CLIP4: variants seen among roughly 807,000 people sequenced by gnomAD.
The protein encoded by CLIP4 is CAP-Gly domain containing linker protein family member 4, also known as CAP-Gly domain-containing linker protein 4.
A neutral mutation model predicts 73.1 loss-of-function variants in CLIP4; 47 were observed. The ratio of observed to expected loss-of-function variants is 0.64; its 90% confidence interval spans 0.51 to 0.82. CLIP4 has a LOEUF of 0.82. CLIP4 is among the 40% of genes least tolerant of loss of function. The pLI is 0.00. For synonymous variants in CLIP4, 306 were observed against 295.4 expected, an observed-to-expected ratio of 1.04 and a Z score of -0.37; for missense variants, 874 against 852.9, an observed-to-expected ratio of 1.02 and a Z score of -0.31.
chr2:29,119,320 C>T (rs376567254), intron 1 of CLIP4, among the ~76,000 whole-genome samples: 40 of 152,008 alleles, frequency 2.6e-4, no homozygotes, highest in African/African-American at 8.7e-4. Flanking sequence ...TAGTTGTGTA[C>T]GATAGAGTTC....
rs1298880509 is a variant in CLIP4, at chr2:29,181,880, A to G, written c.2105A>G (p.Asp702Gly). ...GGAATTAATGGGTCAAAACTTGTGG[A>G]TGAGAATTGTTAAGCTTCTAAAATA... ...YRGINGSKLV[D>G]ENC Residue 702 changes from aspartate to glycine, a missense_variant, in exon 16 of 16, where the codon GAT becomes GGT. Coordinates refer to ENST00000320081, the MANE Select transcript of CLIP4 (RefSeq NM_024692.6). The G allele has an allele frequency of 6.2e-7, 1 of 1,604,706 alleles. No homozygotes were observed. Among genetic ancestry groups the G allele is most frequent in the African/African-American group, 1.3e-5 (1 of 74,580 alleles).
chr2:29,132,402 C>CAT (rs1230257872), intron 4 of CLIP4, 157 bp downstream of exon 4: 4 of 628,568 alleles, frequency 6.4e-6, no homozygotes, highest in Non-Finnish European at 1.1e-5. Flanking sequence ...TTCCAAAAAC[C>CAT]ATATTCCCTT....
chr2:29,136,698 G>A (rs1572921689), intron 6 of CLIP4, among the ~76,000 whole-genome samples: 1 of 152,084 alleles, frequency 6.6e-6, no homozygotes, highest in Non-Finnish European at 1.5e-5. Context: ...AATTAAACAG[G>A]TACTGAAGGG....
chr2:29,144,325 G>A (rs1211021214), intron 7 of CLIP4, among the ~76,000 whole-genome samples: 1 of 152,106 alleles, frequency 6.6e-6, no homozygotes, highest in East Asian at 1.9e-4. Flanking sequence ...GACCCTTGCT[G>A]TTCATGGGTG....
intron 15 of CLIP4, among the ~76,000 whole-genome samples, chr2:29,179,220 T>C (rs1668516144): frequency 6.6e-6 from 1 of 152,256 alleles, no homozygotes; most frequent in South Asian, 2.1e-4. Context: ...GTTCCCTCCT[T>C]TTTCACTGCT....
intron 1 of CLIP4, among the ~76,000 whole-genome samples, chr2:29,102,374 G>A (rs776488831): frequency 2.6e-5 from 4 of 152,060 alleles, no homozygotes; most frequent in Non-Finnish European, 4.4e-5. Flanking sequence ...CCTGCCCCAC[G>A]AACATCACCT....
intron 15 of CLIP4, among the ~76,000 whole-genome samples, chr2:29,179,464 T>G (rs1558591648): frequency 6.6e-6 from 1 of 152,226 alleles, no homozygotes; most frequent in Non-Finnish European, 1.5e-5. Context: ...GCCTTTGTGC[T>G]TATACAGCCA....
chr2:29,133,953 A>G, intron 5 of CLIP4, 137 bp downstream of exon 5: 1 of 683,340 alleles, frequency 1.5e-6, no homozygotes, highest in Non-Finnish European at 2.3e-6. Flanking sequence ...TATTTCTGAG[A>G]TAGTTTAAAA....
intron 2 of CLIP4, 119 bp from the exon 3 acceptor site, chr2:29,131,139 A>G (rs1017695133): frequency 2.1e-6 from 2 of 966,102 alleles, no homozygotes; most frequent in Admixed American, 3.1e-5. Context: ...GATACTTCTG[A>G]TTTTTTTTTA....
chr2:29,146,547 A>G (rs74337695), intron 8 of CLIP4, among the ~76,000 whole-genome samples: 7,503 of 152,170 alleles, frequency 0.049, 312 homozygotes, highest in East Asian at 0.19. Flanking sequence ...ATTGATTTCA[A>G]TTTGATTTTG....
Position 29,181,930 on chromosome 2 carries a change from T to C in CLIP4, c.*37T>C. ...ATTAAATAAGCTCAAATATATATAT[T>C]TGGTGTAAATAAAGAGTCCATGGTA... On this transcript the variant is annotated 3_prime_UTR_variant, in exon 16 of 16. Coordinates refer to ENST00000320081, the MANE Select transcript of CLIP4 (RefSeq NM_024692.6). 1.3e-6 allele frequency: 2 copies of C among 1,502,810 alleles called. No individual in the cohort carries two copies. The highest frequency in any genetic ancestry group is 1.8e-6 in the Non-Finnish European group (2 of 1,112,724). The allele number at this position is 1,502,810 out of a possible 1,614,324, so 93.1% of individuals were successfully genotyped here. A position where few individuals can be genotyped will look rare whatever the true frequency, so the allele number is the denominator to read the frequency against.
chr2:29,136,510 C>T (rs981385164), intron 6 of CLIP4, among the ~76,000 whole-genome samples: 3 of 151,954 alleles, frequency 2.0e-5, no homozygotes, highest in Non-Finnish European at 4.4e-5. Flanking sequence ...TAGATAAAGC[C>T]CTTGCCCTCA....
At position 29,145,234 on chromosome 2, in the gene CLIP4, T is replaced by C. The variant is rs1666074348; in HGVS notation, c.888T>C (p.Val296=). 6.2e-7 allele frequency: 1 copy of C among 1,613,058 alleles called. No homozygotes were observed. The highest frequency in any genetic ancestry group is 1.7e-5 in the Admixed American group (1 of 59,936). Reference sequence around the variant, plus strand: ...ATTCTGGTTTATATTTTCTTTAGGTTGGTACATTAAGATTTTGTGGAACAA... The same window carrying C: ...ATTCTGGTTTATATTTTCTTTAGGTCGGTACATTAAGATTTTGTGGAACAA... The part of the protein sequence containing the change: ...GDRVVIAGQK[V]GTLRFCGTTE... Residue 296 remains valine (V), a splice_region_variant and synonymous_variant, in exon 8 of 16, where the codon GTT becomes GTC. Coordinates refer to ENST00000320081, the MANE Select transcript of CLIP4 (RefSeq NM_024692.6).
intron 15 of CLIP4, among the ~76,000 whole-genome samples, chr2:29,180,988 G>GT (rs1254102877): frequency 6.6e-6 from 1 of 152,072 alleles, no homozygotes; most frequent in Non-Finnish European, 1.5e-5. Flanking sequence ...TGAGTAATGA[G>GT]TGCAGGGGTT....
intron 3 of CLIP4, 157 bp downstream of exon 3, chr2:29,131,554 A>C: frequency 1.5e-6 from 1 of 676,814 alleles, no homozygotes; most frequent in South Asian, 2.5e-5. Context: ...CAGTGAGTTA[A>C]TACTATATAT....
chr2:29,149,415 T>C (rs1265442127), intron 8 of CLIP4, among the ~76,000 whole-genome samples: 1 of 151,420 alleles, frequency 6.6e-6, no homozygotes, highest in Non-Finnish European at 1.5e-5. Context: ...CTTTTCTTTT[T>C]TTTTTTTTTC....
In CLIP4 at chr2:29,115,867, G is replaced by C. The variant is rs1167453769; in HGVS notation, c.-16+202G>C. On this transcript the variant is annotated intron_variant, in intron 1 of 15. Transcript: ENST00000320081. The surrounding 1 kb of genome is among the most constrained non-coding windows in gnomAD (Gnocchi z 5.1). ...GGCCGCGGGGAGGCCTTCTCGGGGCGGAGCGGCCCACCCGGCGGGGATGGG... is the reference window on the plus strand; with the variant it reads ...GGCCGCGGGGAGGCCTTCTCGGGGCCGAGCGGCCCACCCGGCGGGGATGGG... Among the ~76,000 whole-genome samples, 1 of 151,942 alleles carries C rather than the reference G, an allele frequency of 6.6e-6. No individual in the cohort carries two copies. The highest frequency in any genetic ancestry group is 2.4e-5 in the African/African-American group (1 of 41,418).
intron 14 of CLIP4, among the ~76,000 whole-genome samples, chr2:29,168,948 G>A (rs949422073): frequency 6.7e-6 from 1 of 150,170 alleles, no homozygotes; most frequent in Non-Finnish European, 1.5e-5. Context: ...TTGATTTTGT[G>A]TATGGTAAGT....
At chr2:29,169,921 C>G (rs1667896033) in intron 14 of CLIP4, among the ~76,000 whole-genome samples, 1 of 152,164 alleles carries the variant, frequency 6.6e-6, no homozygotes, top group Admixed American at 6.6e-5. Context: ...CACCCACACA[C>G]ACCTCCCAGC....
Sources: gnomAD v4.1 joint callset for allele counts (sites outside exome capture counted in the v4.1 genomes callset) on GRCh38, gnomAD v4.1.1 for gene constraint, Gnocchi (gnomAD v3.1) non-coding constraint, MANE v1.5 for transcripts, NCBI Gene and HGNC (gene_info 2026-07-23, HGNC 2026-07-21) for gene names.